The following PEAK1 variants were observed in gnomAD, a reference collection of about 807,000 sequenced individuals.
PEAK1 encodes inactive tyrosine-protein kinase PEAK1.
In PEAK1, 54 loss-of-function variants were observed where a neutral mutation model predicts 124.7. The observed-to-expected ratio is 0.43, with a 90% CI of 0.35 to 0.54. The LOEUF is 0.54. Among genes scored for constraint, PEAK1 ranks in the 20% least tolerant of loss-of-function variants. PEAK1 has a pLI of 0.01. For missense variants in PEAK1, 2,046 were observed against 2,134.5 expected (o/e 0.96, Z 0.82); for synonymous variants, 719 against 760.0 (o/e 0.95, Z 0.89).
rs192362442 is a variant in PEAK1 at position 77,199,462 on chromosome 15, T to C, written c.-114-17422A>G. ...CCAACATTGTGAAAGAGAGCTCTGA[T>C]AGAGAGAACACCATGAAAGCCTGGA... is the stretch of plus-strand genomic sequence containing the variant. On this transcript the variant is annotated intron_variant, in intron 6 of 9. Coordinates refer to ENST00000682557, the MANE Select transcript of PEAK1 (RefSeq NM_001385026.1). Among the ~76,000 whole-genome samples the C allele has an allele frequency of 7.2e-5, 11 of 152,244 alleles. No individual in the cohort carries two copies. The East Asian group carries it at 2.1e-3, about 29-fold the overall frequency.
chr15:77,147,555 TAAACACAG>T (rs1368514801), intron 8 of PEAK1, among the ~76,000 whole-genome samples: 1 of 152,156 alleles, frequency 6.6e-6, no homozygotes, highest in African/African-American at 2.4e-5. Context: ...TATTTTGAGA[TAAACACAG>T]AAACACAGGG....
chr15:77,309,433 GAAAA>G (rs541033620), intron 2 of PEAK1, among the ~76,000 whole-genome samples: 1 of 145,068 alleles, frequency 6.9e-6, no homozygotes, highest in African/African-American at 2.5e-5. Context: ...TCCAGCAAGG[GAAAA>G]AAAAAACACC....
intron 5 of PEAK1, among the ~76,000 whole-genome samples, chr15:77,271,480 T>G (rs917269724): frequency 4.6e-5 from 7 of 152,168 alleles, no homozygotes; most frequent in African/African-American, 1.7e-4. Context: ...CACATGCATA[T>G]GTATGCTTAT....
intron 2 of PEAK1, among the ~76,000 whole-genome samples, chr15:77,313,767 A>C (rs1490301653): frequency 7.5e-6 from 1 of 134,008 alleles, no homozygotes; most frequent in Non-Finnish European, 1.6e-5. Flanking sequence ...TTTTTAGTAG[A>C]GATGGGATTT....
intron 2 of PEAK1, among the ~76,000 whole-genome samples, chr15:77,363,552 A>G (rs541543779): frequency 6.6e-6 from 1 of 152,282 alleles, no homozygotes; most frequent in Admixed American, 6.5e-5. Flanking sequence ...CTCCCTCAGC[A>G]TTGAGAAAAT....
At chr15:77,216,899 T>C (rs574222865) in intron 6 of PEAK1, among the ~76,000 whole-genome samples, 6 of 152,120 alleles carry the variant, frequency 3.9e-5, no homozygotes, top group Admixed American at 2.0e-4. Context: ...CTTCGAAGAA[T>C]TGTACAGGAG....
intron 2 of PEAK1, among the ~76,000 whole-genome samples, chr15:77,354,108 C>T (rs2067359650): frequency 6.6e-6 from 1 of 152,166 alleles, no homozygotes; most frequent in African/African-American, 2.4e-5. Context: ...CCTCCACCTC[C>T]CTCTAAGAAC....
At chr15:77,405,517 T>C (rs2071746458) in intron 1 of PEAK1, among the ~76,000 whole-genome samples, 1 of 152,174 alleles carries the variant, frequency 6.6e-6, no homozygotes, top group Non-Finnish European at 1.5e-5. Context: ...TAATATGTAA[T>C]ATCAAACTCC....
At chr15:77,309,882 A>C (rs1416004777) in intron 2 of PEAK1, among the ~76,000 whole-genome samples, 1 of 152,224 alleles carries the variant, frequency 6.6e-6, no homozygotes, top group Non-Finnish European at 1.5e-5. Context: ...ATATTCAAAC[A>C]GGACAATAAA....
chr15:77,197,339 C>T (rs905977713), intron 6 of PEAK1, among the ~76,000 whole-genome samples: 6 of 152,142 alleles, frequency 3.9e-5, no homozygotes, highest in African/African-American at 1.4e-4. Context: ...TTATTACTTT[C>T]CTTGGGATCT....
intron 8 of PEAK1, chr15:77,155,118 C>T (rs1447025728): frequency 1.3e-5 from 2 of 152,218 alleles, no homozygotes; most frequent in African/African-American, 2.4e-5. Context: ...CTTTCAGGTA[C>T]ACCAATCAGA....
intron 5 of PEAK1, among the ~76,000 whole-genome samples, chr15:77,253,075 C>A (rs930300729): frequency 2.6e-5 from 4 of 152,080 alleles, no homozygotes; most frequent in African/African-American, 9.7e-5. Context: ...GAGCATCTAT[C>A]TTATACATGT....
chr15:77,138,861 C>A (rs80325253), intron 8 of PEAK1, among the ~76,000 whole-genome samples: 997 of 130,940 alleles, frequency 7.6e-3, no homozygotes, highest in Middle Eastern at 0.012. Flanking sequence ...GACTCTGTCT[C>A]AAAAAAAAAA....
At chr15:77,212,512 A>T (rs909180482) in intron 6 of PEAK1, among the ~76,000 whole-genome samples, 138 of 152,326 alleles carry the variant, frequency 9.1e-4, no homozygotes, top group African/African-American at 3.2e-3. Context: ...TATTTATACA[A>T]TTGTGTCATC....
At chr15:77,209,920 A>T (rs780334706) in intron 6 of PEAK1, among the ~76,000 whole-genome samples, 3 of 152,210 alleles carry the variant, frequency 2.0e-5, no homozygotes, top group Non-Finnish European at 4.4e-5. Flanking sequence ...TGTTTTAAAC[A>T]ATTACGTTTA....
intron 9 of PEAK1, among the ~76,000 whole-genome samples, chr15:77,129,833 T>C (rs1305374396): frequency 6.6e-6 from 1 of 152,148 alleles, no homozygotes; most frequent in Non-Finnish European, 1.5e-5. Flanking sequence ...ATAAATTCCC[T>C]TAGTATGGGA....
intron 6 of PEAK1, among the ~76,000 whole-genome samples, chr15:77,245,054 T>C (rs2060518698): frequency 6.6e-6 from 1 of 152,214 alleles, no homozygotes; most frequent in Non-Finnish European, 1.5e-5. Flanking sequence ...CTTCAATGTT[T>C]CAATTCTCTT....
At chr15:77,266,986 G>C (rs1488837636) in intron 5 of PEAK1, among the ~76,000 whole-genome samples, 2 of 151,972 alleles carry the variant, frequency 1.3e-5, no homozygotes, top group East Asian at 3.9e-4. Flanking sequence ...GTTGTTGGTG[G>C]GGGTGGGGGC....
intron 6 of PEAK1, among the ~76,000 whole-genome samples, chr15:77,185,920 A>G (rs2057523272): frequency 1.3e-5 from 2 of 152,208 alleles, no homozygotes; most frequent in South Asian, 2.1e-4. Context: ...AGCCTAGAAG[A>G]GACAGTGACT....
Sources: gnomAD v4.1 joint callset for allele counts (sites outside exome capture counted in the v4.1 genomes callset) on GRCh38, gnomAD v4.1.1 for gene constraint, MANE v1.5 for transcripts, NCBI Gene and HGNC (gene_info 2026-07-23, HGNC 2026-07-21) for gene names.